The following LETM2 variants were observed in gnomAD, a reference collection of about 807,000 sequenced individuals.
The protein encoded by LETM2 is LETM1 domain-containing protein LETM2, mitochondrial.
LETM2 carries 58 observed loss-of-function variants against 59.6 expected under a neutral mutation model. The ratio of observed to expected loss-of-function variants is 0.97; its 90% CI spans 0.79 to 1.21. LETM2 has a LOEUF of 1.21. Ranked by LOEUF, LETM2 falls within the 50% of genes most tolerant of loss-of-function variation. The pLI is 0.00. For synonymous variants in LETM2, 199 were observed against 214.1 expected (o/e 0.93, Z 0.62); for missense variants, 572 against 575.7 (o/e 0.99, Z 0.07).
upstream of LETM2, among the ~76,000 whole-genome samples, chr8:38,385,495 G>A (rs549790532): frequency 5.3e-5 from 8 of 152,318 alleles, no homozygotes; most frequent in East Asian, 1.5e-3. Context: ...CCGGGTTCAA[G>A]CGATTCTCCT....
intron 8 of LETM2, among the ~76,000 whole-genome samples, chr8:38,405,698 A>T (rs561140784): frequency 1.3e-5 from 2 of 152,320 alleles, no homozygotes; most frequent in South Asian, 4.1e-4. Context: ...TTCTTATTCT[A>T]TCCAACTCTT....
chr8:38,400,431 C>A, intron 5 of LETM2, 22 bp downstream of exon 5: 1 of 1,544,478 alleles, frequency 6.5e-7, no homozygotes, highest in Non-Finnish European at 8.7e-7. Flanking sequence ...TTATGTAATG[C>A]CGAACAACTT....
At chr8:38,391,696 A>T (rs1028934265) in intron 2 of LETM2, among the ~76,000 whole-genome samples, 11 of 134,656 alleles carry the variant, frequency 8.2e-5, no homozygotes, top group Non-Finnish European at 1.6e-4. Flanking sequence ...CCCAATTCTA[A>T]TTTTTTTTTT....
intron 4 of LETM2, among the ~76,000 whole-genome samples, chr8:38,395,227 G>A (rs1035190364): frequency 4.6e-5 from 7 of 152,180 alleles, no homozygotes; most frequent in Admixed American, 3.3e-4. Flanking sequence ...TCAACTCATT[G>A]GGGTAAATGC....
chr8:38,407,554 G>A, intron 10 of LETM2, 91 bp downstream of exon 10: 1 of 825,326 alleles, frequency 1.2e-6, no homozygotes, highest in Non-Finnish European at 2.0e-6. Context: ...TAGTCCTGTT[G>A]CAAAACACTG....
At chr8:38,391,427 C>T (rs1249342832) in intron 2 of LETM2, among the ~76,000 whole-genome samples, 14 of 150,618 alleles carry the variant, frequency 9.3e-5, no homozygotes, top group South Asian at 6.3e-4. Flanking sequence ...CTCAGCCTCC[C>T]GAGTAGCTGG....
In LETM2 at chr8:38,407,394, A is replaced by G; in HGVS notation, c.1344A>G (p.Thr448=). Residue 448 remains threonine, a synonymous_variant, in exon 10 of 11, where the codon ACA becomes ACG. Coordinates refer to ENST00000379957, the MANE Select transcript of LETM2 (RefSeq NM_001286819.2). ...ACTTTATACAGCCGCCACCAGTTAC[A>G]TCATCACCCATAACACCATCAACAC... is the stretch of plus-strand genomic sequence containing the variant. The part of the protein sequence containing the change: ...DEDFIQPPPV[T]SSPITPSTPI... 2.5e-6 allele frequency: 4 copies of G among 1,613,570 alleles called. No individual in the cohort carries two copies. Among genetic ancestry groups the G allele is most frequent in the Non-Finnish European group, 3.4e-6 (4 of 1,179,562 alleles).
chr8:38,385,704 A>G (rs1398588149), upstream of LETM2, among the ~76,000 whole-genome samples: 2 of 152,174 alleles, frequency 1.3e-5, no homozygotes, highest in African/African-American at 4.8e-5. Context: ...CCTAAATAAA[A>G]AAAATTTTTA....
At chr8:38,407,235 C>T in intron 9 of LETM2, 127 bp from the exon 10 acceptor site, 1 of 836,748 alleles carries the variant, frequency 1.2e-6, no homozygotes, top group Non-Finnish European at 1.9e-6. Flanking sequence ...CCAGATTTTG[C>T]CTTTTGAATC....
At position 38,401,007 on chromosome 8, in the gene LETM2, G is replaced by T. The variant is rs1371184301; in HGVS notation, c.938G>T (p.Arg313Leu). 1 of 1,614,082 alleles carries T rather than the reference G, an allele frequency of 6.2e-7. No homozygotes were observed. Among genetic ancestry groups the T allele is most frequent in the Admixed American group, 1.7e-5 (1 of 60,014 alleles). ...ACATTTGGAACCAACAACCTGCTCC[G>T]CTTTCAGCTCCTGATGAAACTGAAG... ...LQTFGTNNLL[R>L]FQLLMKLKSI... Residue 313 changes from arginine to leucine, a missense_variant, in exon 6 of 11, where the codon CGC becomes CTC. Coordinates refer to ENST00000379957, the MANE Select transcript of LETM2 (RefSeq NM_001286819.2).
In LETM2 at chr8:38,402,571, A is replaced by G; in HGVS notation, c.1031A>G (p.Gln344Arg). 1 of 1,613,990 alleles carries G rather than the reference A, an allele frequency of 6.2e-7. No homozygotes were observed. Among genetic ancestry groups the G allele is most frequent in the Non-Finnish European group, 8.5e-7 (1 of 1,179,844 alleles). The change falls in exon 7 of 11, where the codon CAG becomes CGG. Residue 344 changes from glutamine (Q) to arginine (R), a missense_variant. Physicochemically the swap from Gln to Arg is conservative, Grantham distance 43. Coordinates refer to ENST00000379957, the MANE Select transcript of LETM2 (RefSeq NM_001286819.2). ...GVTALSVSEL[Q>R]AACRARGMRS... ...ACAGCATTGAGTGTATCAGAACTAC[A>G]GGCTGCCTGTAGGGCCCGAGGGATG...
intron 4 of LETM2, among the ~76,000 whole-genome samples, chr8:38,399,874 A>G (rs1310229396): frequency 6.6e-6 from 1 of 151,408 alleles, no homozygotes; most frequent in Non-Finnish European, 1.5e-5. Flanking sequence ...TGAGTCTGGG[A>G]GGTGGAGGTT....
intron 7 of LETM2, among the ~76,000 whole-genome samples, chr8:38,404,085 C>G (rs1344762013): frequency 6.6e-6 from 1 of 152,136 alleles, no homozygotes; most frequent in Non-Finnish European, 1.5e-5. Flanking sequence ...TTTATTCTTT[C>G]ACATTATCTA....
In LETM2 at chr8:38,408,348, A is replaced by T; in HGVS notation, c.*74A>T. 4 of 1,280,410 alleles carry T rather than the reference A, an allele frequency of 3.1e-6. No homozygotes were observed. The highest frequency in any genetic ancestry group is 4.5e-6 in the Non-Finnish European group (4 of 893,550). The allele number at this position is 1,280,410 out of a possible 1,614,324, so 79.3% of individuals were successfully genotyped here. On this transcript the variant is annotated 3_prime_UTR_variant, in exon 11 of 11. Coordinates refer to ENST00000379957, the MANE Select transcript of LETM2 (RefSeq NM_001286819.2). The stretch of plus-strand genomic sequence containing the variant: ...CAGTGGCATCTGTAAAGGACCTCCC[A>T]GATAAGACTGTCTGGCTTCAGAGAG...
intron 8 of LETM2, chr8:38,404,766 G>C: frequency 2.7e-6 from 1 of 368,904 alleles, no homozygotes; most frequent in Non-Finnish European, 5.1e-6. Context: ...GATCACCTGA[G>C]GTCAGGAGTT....
At chr8:38,385,391 G>GA (rs1048030232), upstream of LETM2, among the ~76,000 whole-genome samples, 44 of 151,136 alleles carry the variant, frequency 2.9e-4, no homozygotes, top group Admixed American at 9.2e-4. Context: ...GAGCCACTAA[G>GA]AAAAAAAAAA....
chr8:38,387,579 ATATTCACTTTCTACCTATATTTTAAGGC>A (rs1248473256), intron 1 of LETM2, among the ~76,000 whole-genome samples: 1 of 152,182 alleles, frequency 6.6e-6, no homozygotes, highest in Non-Finnish European at 1.5e-5. Flanking sequence ...GAAATTCAGA[ATATTCACTTTCTACCTATATTTTAAGGC>A]TACAGATAGA....
In LETM2 at chr8:38,408,549, GTTTT is replaced by G. The variant is rs955928128; in HGVS notation, c.*279_*282del. On this transcript the variant is annotated 3_prime_UTR_variant, in exon 11 of 11. Transcript: ENST00000379957. ...TATAAAGCCCACCCCCCATCATGTT[GTTTT>G]TTTAGTTTCATGTGTACGTCCCTTC... 29 of 311,320 alleles carry G rather than the reference GTTTT, an allele frequency of 9.3e-5. No homozygotes were observed. The highest frequency in any genetic ancestry group is 1.1e-4 in the Non-Finnish European group (19 of 165,296). The allele number at this position is 311,320 out of a possible 1,614,324, so 19.3% of individuals were successfully genotyped here. A position where few individuals can be genotyped will look rare whatever the true frequency, so the allele number is the denominator to read the frequency against.
At chr8:38,404,281 G>A (rs1276948947) in intron 7 of LETM2, 112 bp from the exon 8 acceptor site, 1 of 724,132 alleles carries the variant, frequency 1.4e-6, no homozygotes, top group East Asian at 2.6e-5. Flanking sequence ...GAGCGGCTTG[G>A]CGGAAAGGGC....
Sources: allele counts gnomAD v4.1 joint callset (sites outside exome capture counted in the v4.1 genomes callset), GRCh38; gene constraint gnomAD v4.1.1; transcripts MANE v1.5; gene names NCBI Gene and HGNC (gene_info 2026-07-23, HGNC 2026-07-21).